TCF4: variants seen among roughly 807,000 people sequenced by gnomAD.
TCF4 encodes the protein transcription factor 4.
A neutral mutation model predicts 82.1 loss-of-function variants in TCF4; 3 were observed. The observed-to-expected ratio is 0.04, with a 90% CI of 0.02 to 0.09. The LOEUF (loss-of-function observed/expected upper bound fraction) is 0.09, where lower values mean the gene tolerates loss of function less well. Among genes scored for constraint, TCF4 ranks in the 10% least tolerant of loss-of-function variants. The pLI is 1.00. For synonymous variants in TCF4, 276 were observed against 309.6 expected (o/e 0.89, Z 1.14); for missense variants, 518 against 852.7 (o/e 0.61, Z 4.89).
At chr18:55,310,667 A>G (rs889450704) in intron 8 of TCF4, among the ~76,000 whole-genome samples, 10 of 152,370 alleles carry the variant, frequency 6.6e-5, no homozygotes, top group Admixed American at 4.6e-4. Context: ...GAAAGCTGGA[A>G]AGAACATCTT....
intron 10 of TCF4, among the ~76,000 whole-genome samples, chr18:55,271,777 T>C (rs1409456939): frequency 6.6e-6 from 1 of 152,056 alleles, no homozygotes; most frequent in Non-Finnish European, 1.5e-5. Context: ...GCCCATTCCA[T>C]AGTACAGCTA....
chr18:55,465,205 T>C (rs906693406), intron 3 of TCF4, among the ~76,000 whole-genome samples: 3 of 152,244 alleles, frequency 2.0e-5, no homozygotes, highest in Non-Finnish European at 4.4e-5. Context: ...ATCCCATTTA[T>C]TGTGTTTCCT....
chr18:55,588,162 G>C lies in TCF4; in HGVS notation c.-145C>G. ...CTCCCGCGCCTGCTGCCTCCCCGCC[G>C]CCGCCGCCGCCGCCGCCACTACAGA... On this transcript the variant is annotated 5_prime_UTR_variant, in exon 1 of 20. Coordinates refer to ENST00000354452, the MANE Select transcript of TCF4 (RefSeq NM_001083962.2). 9.2e-7 allele frequency: 1 copy of C among 1,092,680 alleles called. No individual in the cohort carries two copies. Among genetic ancestry groups the C allele is most frequent in the Non-Finnish European group, 1.1e-6 (1 of 905,346 alleles). The allele number at this position is 1,092,680 out of a possible 1,614,324, so 67.7% of individuals were successfully genotyped here.
intron 5 of TCF4, 49 bp from the exon 6 acceptor site, chr18:55,403,567 A>G: frequency 6.2e-7 from 1 of 1,613,788 alleles, no homozygotes; most frequent in Middle Eastern, 1.7e-4. Flanking sequence ...TTCCTTAAAA[A>G]AAAATCTCCT....
intron 3 of TCF4, among the ~76,000 whole-genome samples, chr18:55,552,018 C>A (rs1056564460): frequency 2.0e-5 from 3 of 152,198 alleles, no homozygotes; most frequent in Non-Finnish European, 4.4e-5. Context: ...ATATAAATAT[C>A]TAAAATTCAA....
At chr18:55,545,257 TG>T (rs1219187781) in intron 3 of TCF4, among the ~76,000 whole-genome samples, 1 of 152,188 alleles carries the variant, frequency 6.6e-6, no homozygotes, top group Non-Finnish European at 1.5e-5. Flanking sequence ...TAGTATTCTG[TG>T]TGTATGCATA....
chr18:55,298,241 C>T (rs1249483422), intron 8 of TCF4, among the ~76,000 whole-genome samples: 1 of 152,220 alleles, frequency 6.6e-6, no homozygotes, highest in Non-Finnish European at 1.5e-5. Flanking sequence ...AATGCTGGTT[C>T]ATCTGAGTGA....
intron 3 of TCF4, among the ~76,000 whole-genome samples, chr18:55,572,990 T>C (rs1244923781): frequency 2.0e-5 from 3 of 151,488 alleles, no homozygotes; most frequent in Non-Finnish European, 4.4e-5. Flanking sequence ...GAGGCAGAGG[T>C]TGCAGTGAGC....
At chr18:55,267,954 A>G (rs185899981) in intron 11 of TCF4, 1 of 152,262 alleles carries the variant, frequency 6.6e-6, no homozygotes, top group Non-Finnish European at 1.5e-5. Flanking sequence ...TAGACCAACA[A>G]GTAGATTCTC....
intron 3 of TCF4, among the ~76,000 whole-genome samples, chr18:55,563,784 C>G (rs1479658917): frequency 6.6e-6 from 1 of 152,106 alleles, no homozygotes; most frequent in East Asian, 1.9e-4. Flanking sequence ...TGATTTGGGC[C>G]AATATTTTAT....
chr18:55,418,680 C>T (rs917562967), intron 5 of TCF4, among the ~76,000 whole-genome samples: 2 of 152,076 alleles, frequency 1.3e-5, no homozygotes, highest in Admixed American at 1.3e-4. Context: ...GAGCACACAG[C>T]TATGAAAGAG....
At chr18:55,375,951 C>T (rs562673486) in intron 6 of TCF4, among the ~76,000 whole-genome samples, 3 of 150,728 alleles carry the variant, frequency 2.0e-5, no homozygotes, top group African/African-American at 7.3e-5. Context: ...ATATTTTACT[C>T]AACATTCTCA....
intron 8 of TCF4, among the ~76,000 whole-genome samples, chr18:55,309,403 T>C (rs141309727): frequency 0.021 from 3,260 of 152,202 alleles, 59 homozygotes; most frequent in Non-Finnish European, 0.034. Flanking sequence ...ATTACAGGCA[T>C]AAGCCACTGT....
intron 15 of TCF4, among the ~76,000 whole-genome samples, chr18:55,242,305 C>G (rs922362647): frequency 1.3e-5 from 2 of 152,154 alleles, no homozygotes; most frequent in African/African-American, 4.8e-5. Flanking sequence ...TTCGTAAAGC[C>G]TATACTTGTC....
intron 3 of TCF4, among the ~76,000 whole-genome samples, chr18:55,497,543 T>C (rs1341424316): frequency 1.3e-5 from 2 of 152,186 alleles, no homozygotes; most frequent in African/African-American, 4.8e-5. Flanking sequence ...TACAAATGAT[T>C]AGTTCAGATC....
rs1603624690 is a variant in TCF4, at chr18:55,585,480, T to A, written c.73-128A>T. 10 of 864,740 alleles carry A rather than the reference T, an allele frequency of 1.2e-5. No individual in the cohort carries two copies. The East Asian group carries it at 2.6e-4, about 22-fold the overall frequency. The allele number at this position is 864,740 out of a possible 1,614,324, so 53.6% of individuals were successfully genotyped here. A position where few individuals can be genotyped will look rare whatever the true frequency, so the allele number is the denominator to read the frequency against. Reference sequence around the variant, plus strand: ...CTAAGGGTTTATTTAGTAAAATACATCACCATCCAACTTAAAACTAAAAGA... The same window carrying A: ...CTAAGGGTTTATTTAGTAAAATACAACACCATCCAACTTAAAACTAAAAGA... On this transcript the variant is annotated intron_variant, in intron 2 of 19. Transcript: ENST00000354452.
intron 5 of TCF4, among the ~76,000 whole-genome samples, chr18:55,440,464 G>C (rs1252553099): frequency 6.6e-6 from 1 of 152,124 alleles, no homozygotes; most frequent in African/African-American, 2.4e-5. Flanking sequence ...GTCTGTGTCT[G>C]ACATCTGTCC....
chr18:55,527,587 G>T (rs1166855635), intron 3 of TCF4, among the ~76,000 whole-genome samples: 1 of 151,976 alleles, frequency 6.6e-6, no homozygotes, highest in Non-Finnish European at 1.5e-5. Flanking sequence ...AAATGCACGA[G>T]GTATTTTTTC....
At chr18:55,534,184 A>G (rs2146793998) in intron 3 of TCF4, among the ~76,000 whole-genome samples, 1 of 152,346 alleles carries the variant, frequency 6.6e-6, no homozygotes, top group Non-Finnish European at 1.5e-5. Context: ...CAGAAAAAGC[A>G]AAGGTGTCAC....
Sources: gnomAD v4.1 joint callset for allele counts (sites outside exome capture counted in the v4.1 genomes callset) on GRCh38, gnomAD v4.1.1 for gene constraint, MANE v1.5 for transcripts, NCBI Gene and HGNC (gene_info 2026-07-23, HGNC 2026-07-21) for gene names.